DENND5A: variants seen among roughly 807,000 people sequenced by gnomAD.
DENND5A encodes the protein DENN domain containing 5A.
A neutral mutation model predicts 140.3 loss-of-function variants in DENND5A; 64 were observed. The observed-to-expected ratio is 0.46, with a 90% CI of 0.37 to 0.56. The LOEUF is 0.56. Ranked by LOEUF, DENND5A falls within the 20% of genes least tolerant of loss-of-function variation. The pLI, the probability that DENND5A is intolerant of heterozygous loss-of-function variation, is 0.00. For missense variants in DENND5A, 1,292 were observed against 1,593.8 expected (o/e 0.81, Z 3.22); for synonymous variants, 605 against 607.7 (o/e 1.00, Z 0.07).
At chr11:9,162,494 C>T (rs1490054325) in intron 11 of DENND5A, among the ~76,000 whole-genome samples, 1 of 152,016 alleles carries the variant, frequency 6.6e-6, no homozygotes, top group Non-Finnish European at 1.5e-5. Context: ...CCACCTCAGC[C>T]TCCCAAAGTG....
chr11:9,228,110 C>CA (rs548141276), intron 1 of DENND5A, among the ~76,000 whole-genome samples: 13,849 of 72,408 alleles, frequency 0.19, 1,565 homozygotes, highest in Non-Finnish European at 0.24. Flanking sequence ...GACTCCATCT[C>CA]AAAAAAAAAA....
At chr11:9,253,444 G>A (rs1851812612) in intron 1 of DENND5A, among the ~76,000 whole-genome samples, 1 of 152,116 alleles carries the variant, frequency 6.6e-6, no homozygotes, top group Non-Finnish European at 1.5e-5. Flanking sequence ...CCTGCCTGAT[G>A]GAGTCAAATA....
intron 4 of DENND5A, among the ~76,000 whole-genome samples, chr11:9,194,596 C>T (rs1849253153): frequency 6.6e-6 from 1 of 151,526 alleles, no homozygotes; most frequent in Non-Finnish European, 1.5e-5. Flanking sequence ...TTCCCTAGAA[C>T]TTGAAAGACT....
chr11:9,227,807 A>T (rs1218313114), intron 1 of DENND5A, among the ~76,000 whole-genome samples: 1 of 151,744 alleles, frequency 6.6e-6, no homozygotes, highest in Non-Finnish European at 1.5e-5. Flanking sequence ...TAAAAAATTT[A>T]AATTAAAAAA....
chr11:9,147,161 AG>A lies in DENND5A; in HGVS notation c.2736-11del. The A allele has an allele frequency of 1.9e-6, 3 of 1,613,866 alleles. No homozygotes were observed. Among genetic ancestry groups the A allele is most frequent in the Non-Finnish European group, 2.5e-6 (3 of 1,179,852 alleles). ...GCGCTTATATAACTTTCTGTTGGAG[AG>A]GAGGTAATACATCAGTCTCCGACCA... On this transcript the variant is annotated splice_polypyrimidine_tract_variant and intron_variant, in intron 15 of 22. Coordinates refer to ENST00000328194, the MANE Select transcript of DENND5A (RefSeq NM_015213.4).
intron 5 of DENND5A, among the ~76,000 whole-genome samples, chr11:9,182,458 T>A (rs2136179181): frequency 6.6e-6 from 1 of 152,332 alleles, no homozygotes; most frequent in Middle Eastern, 3.4e-3. Flanking sequence ...GGACTTGAAC[T>A]CAGCTACCCT....
In DENND5A at chr11:9,170,683, C is replaced by T; in HGVS notation, c.2001G>A (p.Pro667=). 3.7e-6 allele frequency: 6 copies of T among 1,613,832 alleles called. No individual in the cohort carries two copies. Among genetic ancestry groups the T allele is most frequent in the African/African-American group, 1.3e-5 (1 of 74,924 alleles). Residue 667 remains proline (P), a synonymous_variant, in exon 9 of 23, where the codon CCG becomes CCA. Coordinates refer to ENST00000328194, the MANE Select transcript of DENND5A (RefSeq NM_015213.4). The part of the protein sequence containing the change: ...DMKIGQGKYE[P]GFFPKLQSDV... ...CAGACTGCAGCTTAGGGAAGAAGCC[C>T]GGCTCATATTTCCCTTGTCCAATCT...
At chr11:9,226,083 A>AATC (rs887849267) in intron 1 of DENND5A, among the ~76,000 whole-genome samples, 1 of 151,212 alleles carries the variant, frequency 6.6e-6, no homozygotes, top group African/African-American at 2.5e-5. Context: ...CTGTCTCAAA[A>AATC]ATCATCATCA....
At chr11:9,167,211 A>T (rs1267783945) in intron 10 of DENND5A, among the ~76,000 whole-genome samples, 1 of 152,002 alleles carries the variant, frequency 6.6e-6, no homozygotes, top group Admixed American at 6.6e-5. Context: ...CCCTTCCCCC[A>T]TATTTATTCC....
At chr11:9,147,368 C>T (rs1847466278) in intron 15 of DENND5A, among the ~76,000 whole-genome samples, 1 of 152,182 alleles carries the variant, frequency 6.6e-6, no homozygotes, top group Non-Finnish European at 1.5e-5. Flanking sequence ...TCAAATACTG[C>T]CTGTGTCCAA....
chr11:9,231,462 T>C (rs1020222146), intron 1 of DENND5A, among the ~76,000 whole-genome samples: 8 of 151,802 alleles, frequency 5.3e-5, no homozygotes, highest in Admixed American at 4.6e-4. Flanking sequence ...ACGCCTGTAA[T>C]CCCAGCACTT....
chr11:9,240,691 CAG>C (rs934587498), intron 1 of DENND5A, among the ~76,000 whole-genome samples: 1 of 150,562 alleles, frequency 6.6e-6, no homozygotes, highest in Non-Finnish European at 1.5e-5. Context: ...GCCTGGGCAA[CAG>C]AGTGAGACCC....
At position 9,191,870 on chromosome 11, in the gene DENND5A, T is replaced by C. The variant is rs529127334; in HGVS notation, c.1137+1624A>G. ...TCATAATTAGGTTGACTAAGTTGTA[T>C]CAATATTAAATAGACATTTGTTTAA... is the stretch of plus-strand genomic sequence containing the variant. On this transcript the variant is annotated intron_variant, in intron 5 of 22. Coordinates refer to ENST00000328194, the MANE Select transcript of DENND5A (RefSeq NM_015213.4). Among the ~76,000 whole-genome samples the C allele has an allele frequency of 1.5e-4, 23 of 152,366 alleles. 1 individual carries two copies. In the South Asian group the frequency reaches 4.3e-3, roughly 29 times the overall value.
chr11:9,246,297 A>C (rs896894420), intron 1 of DENND5A, among the ~76,000 whole-genome samples: 13 of 151,444 alleles, frequency 8.6e-5, no homozygotes, highest in Admixed American at 6.6e-5. Flanking sequence ...GAGGTTCCAC[A>C]CCGGACACAT....
chr11:9,171,084 G>A, intron 8 of DENND5A: 1 of 315,136 alleles, frequency 3.2e-6, no homozygotes, highest in Non-Finnish European at 5.9e-6. Context: ...GGCACAGGGA[G>A]GGGAGTTCTA....
chr11:9,156,323 A>T (rs1371397326), intron 12 of DENND5A, among the ~76,000 whole-genome samples: 4 of 152,156 alleles, frequency 2.6e-5, no homozygotes, highest in Non-Finnish European at 4.4e-5. Context: ...AACAAAATGG[A>T]ACCTCAACTA....
In DENND5A at chr11:9,193,581, C is replaced by G. The variant is rs2136195706; in HGVS notation, c.1050G>C (p.Leu350=). ...ATGGAACAGGAGCATCTAAGAAATG[C>G]AGGAGAGAAGCTGGGAGAATAGGGA... is the stretch of plus-strand genomic sequence containing the variant. ...VYVPILPASL[L]HFLDAPVPYL... is the part of the protein sequence containing the mutation. The change falls in exon 5 of 23, where the codon CTG becomes CTC. Residue 350 remains leucine (L), a synonymous_variant. Coordinates refer to ENST00000328194, the MANE Select transcript of DENND5A (RefSeq NM_015213.4). 1 of 1,613,988 alleles carries G rather than the reference C, an allele frequency of 6.2e-7. No individual in the cohort carries two copies. The highest frequency in any genetic ancestry group is 2.2e-5 in the East Asian group (1 of 44,868).
chr11:9,261,434 C>G (rs575499995), intron 1 of DENND5A, among the ~76,000 whole-genome samples: 22 of 152,134 alleles, frequency 1.4e-4, no homozygotes, highest in Admixed American at 5.2e-4. Flanking sequence ...AGAAAATGCA[C>G]CCTGGAGACT....
At chr11:9,140,079 T>C (rs2136107288) in intron 22 of DENND5A, 1 of 1,246,356 alleles carries the variant, frequency 8.0e-7, no homozygotes, top group Non-Finnish European at 1.1e-6. Flanking sequence ...CCTCCAAGCC[T>C]CCTCCTCCCC....
Sources: gnomAD v4.1 joint callset for allele counts (sites outside exome capture counted in the v4.1 genomes callset) on GRCh38, gnomAD v4.1.1 for gene constraint, MANE v1.5 for transcripts, NCBI Gene and HGNC (gene_info 2026-07-23, HGNC 2026-07-21) for gene names.